Variants in BLTP3A observed in about 807,000 individuals in gnomAD.
BLTP3A encodes the protein ICBP90 binding protein 1.
chr6:34,845,119 C>T, the BLTP3A span, among the ~76,000 whole-genome samples: 2 of 152,222 alleles, frequency 1.3e-5, no homozygotes, highest in African/African-American at 4.8e-5. Flanking sequence ...CCATCCTTTC[C>T]CCAATGTATG....
chr6:34,842,712 G>A, the BLTP3A span, among the ~76,000 whole-genome samples: 1 of 151,982 alleles, frequency 6.6e-6, no homozygotes, highest in South Asian at 2.1e-4. Flanking sequence ...TTAGTACTTA[G>A]TTTATCTCAT....
At chr6:34,877,350 G>T in the BLTP3A span, 3 of 152,594 alleles carry the variant, frequency 2.0e-5, no homozygotes, top group Non-Finnish European at 2.9e-5. Context: ...TCAATAAAAG[G>T]TCACTTCATT....
the BLTP3A span, chr6:34,792,253 G>T: frequency 3.9e-6 from 6 of 1,540,952 alleles, no homozygotes; most frequent in Non-Finnish European, 5.2e-6. Flanking sequence ...GCTCCGGCAT[G>T]GCCGGGATCA....
the BLTP3A span, among the ~76,000 whole-genome samples, chr6:34,852,218 A>G: frequency 6.6e-6 from 1 of 152,034 alleles, no homozygotes; most frequent in African/African-American, 2.4e-5. Flanking sequence ...CACCACAGGT[A>G]AGAGTGCACT....
At chr6:34,821,438 TTGTTCTG>T in the BLTP3A span, 1 of 508,948 alleles carries the variant, frequency 2.0e-6, no homozygotes, top group South Asian at 2.8e-5. Flanking sequence ...CTGAGTGCAT[TTGTTCTG>T]GCTGGTCTGA....
At chr6:34,867,710 ACT>A in the BLTP3A span, 1 of 1,443,414 alleles carries the variant, frequency 6.9e-7, no homozygotes, top group African/African-American at 1.4e-5. Context: ...AAGGGCAGCC[ACT>A]CTACTAGTGC....
chr6:34,855,253 G>A, the BLTP3A span, among the ~76,000 whole-genome samples: 1 of 152,170 alleles, frequency 6.6e-6, no homozygotes, highest in Non-Finnish European at 1.5e-5. Context: ...GTGTTGTGTT[G>A]AGGGAAAATA....
the BLTP3A span, chr6:34,823,135 C>T: frequency 1.3e-5 from 10 of 754,384 alleles, no homozygotes; most frequent in Non-Finnish European, 1.8e-5. Flanking sequence ...TATTGTCTGC[C>T]CACAATGGGT....
At chr6:34,828,538 C>G in the BLTP3A span, among the ~76,000 whole-genome samples, 1 of 150,402 alleles carries the variant, frequency 6.6e-6, no homozygotes, top group African/African-American at 2.4e-5. Flanking sequence ...GTTCTTTATT[C>G]CTTTTTGTAC....
the BLTP3A span, among the ~76,000 whole-genome samples, chr6:34,850,648 T>G: frequency 6.6e-6 from 1 of 152,200 alleles, no homozygotes; most frequent in Non-Finnish European, 1.5e-5. Context: ...CTTTTGAGAC[T>G]CTGATGCATT....
chr6:34,856,777 T>C, the BLTP3A span: 1 of 1,608,384 alleles, frequency 6.2e-7, no homozygotes, highest in Non-Finnish European at 8.5e-7. Flanking sequence ...TTTCCCACCT[T>C]ATTTTTATTT....
At chr6:34,862,505 T>C in the BLTP3A span, among the ~76,000 whole-genome samples, 1 of 151,900 alleles carries the variant, frequency 6.6e-6, no homozygotes, top group Non-Finnish European at 1.5e-5. Flanking sequence ...CTGTGCTTCT[T>C]AATAGTTTCT....
chr6:34,838,972 CG>C, the BLTP3A span, among the ~76,000 whole-genome samples: 2 of 152,140 alleles, frequency 1.3e-5, no homozygotes, highest in African/African-American at 4.8e-5. Flanking sequence ...CAAGGAAGGC[CG>C]GGCATGGTGG....
At chr6:34,846,299 C>G in the BLTP3A span, among the ~76,000 whole-genome samples, 4 of 151,758 alleles carry the variant, frequency 2.6e-5, no homozygotes, top group Non-Finnish European at 5.9e-5. Context: ...CACCCACCAC[C>G]ACGCCTAGCT....
the BLTP3A span, among the ~76,000 whole-genome samples, chr6:34,839,473 G>T: frequency 3.9e-5 from 6 of 152,140 alleles, no homozygotes; most frequent in South Asian, 1.0e-3. Context: ...TTGAAATGTG[G>T]CTGATTCAAA....
chr6:34,849,827 A>ATAC, the BLTP3A span, among the ~76,000 whole-genome samples: 1 of 152,162 alleles, frequency 6.6e-6, no homozygotes, highest in South Asian at 2.1e-4. Context: ...TTTCATGGAT[A>ATAC]TACTATTCTA....
At chr6:34,814,336 T>C in the BLTP3A span, among the ~76,000 whole-genome samples, 4 of 152,228 alleles carry the variant, frequency 2.6e-5, no homozygotes, top group African/African-American at 9.6e-5. Flanking sequence ...TTTTTTAACC[T>C]ATTCTTTGTT....
chr6:34,800,107 G>A, the BLTP3A span, among the ~76,000 whole-genome samples: 1 of 151,954 alleles, frequency 6.6e-6, no homozygotes, highest in Non-Finnish European at 1.5e-5. Context: ...CATACCTCAA[G>A]GAGGAAACTT....
chr6:34,797,302 T>A, the BLTP3A span, among the ~76,000 whole-genome samples: 207 of 152,268 alleles, frequency 1.4e-3, no homozygotes, highest in African/African-American at 4.7e-3. Context: ...TGATAGATAT[T>A]TTGAAAACAT....
Sources: allele counts gnomAD v4.1 joint callset (sites outside exome capture counted in the v4.1 genomes callset), GRCh38; gene constraint gnomAD v4.1.1; transcripts MANE v1.5; gene names NCBI Gene and HGNC (gene_info 2026-07-23, HGNC 2026-07-21).